NOL4L: variants seen among roughly 807,000 people sequenced by gnomAD.
The protein encoded by NOL4L is nucleolar protein 4-like.
NOL4L carries 7 observed loss-of-function variants against 64.5 expected under a neutral mutation model. The ratio of observed to expected loss-of-function variants is 0.11; its 90% confidence interval spans 0.06 to 0.20. The LOEUF is 0.20. NOL4L is among the 10% of genes least tolerant of loss of function. The pLI, the probability that NOL4L is intolerant of heterozygous loss-of-function variation, is 1.00. For missense variants in NOL4L, 680 were observed against 967.1 expected, an observed-to-expected ratio of 0.70 and a Z score of 3.94; for synonymous variants, 413 against 401.0, an observed-to-expected ratio of 1.03 and a Z score of -0.36.
intron 1 of NOL4L, among the ~76,000 whole-genome samples, chr20:32,581,084 G>A (rs1360163023): frequency 6.6e-6 from 1 of 152,216 alleles, no homozygotes. Flanking sequence ...CCGGCCAGGA[G>A]GCCCCCAGCT....
chr20:32,478,798 C>G lies in NOL4L; in HGVS notation c.700-4056G>C, dbSNP rs2015557654. On this transcript the variant is annotated intron_variant, in intron 4 of 10. Transcript: ENST00000621426. ...TAGAGACAAGGGCTCACTATATCGC[C>G]CAGGCTGGCCTCGAACTCCTGGGCT... is the stretch of plus-strand genomic sequence containing the variant. Among the ~76,000 whole-genome samples, 5 of 152,272 alleles carry G rather than the reference C, an allele frequency of 3.3e-5. No homozygotes were observed. In the South Asian group the frequency reaches 1.0e-3, roughly 32 times the overall value.
chr20:32,474,170 A>G (rs998406131), intron 5 of NOL4L, among the ~76,000 whole-genome samples: 1 of 152,204 alleles, frequency 6.6e-6, no homozygotes, highest in African/African-American at 2.4e-5. Context: ...CTGCCTGGTC[A>G]CTCACCAGGT....
intron 4 of NOL4L, among the ~76,000 whole-genome samples, chr20:32,494,253 G>GGAAAAAA (rs2016583470): frequency 9.1e-5 from 2 of 22,028 alleles, no homozygotes; most frequent in Non-Finnish European, 1.8e-4. Context: ...ATAATCTCGG[G>GGAAAAAA]AAAAAAAAAA....
chr20:32,542,077 CA>C (rs2018665372), intron 1 of NOL4L, among the ~76,000 whole-genome samples: 1 of 152,238 alleles, frequency 6.6e-6, no homozygotes, highest in Non-Finnish European at 1.5e-5. Context: ...GACAGGTGGC[CA>C]TATCTTTGGG....
Position 32,447,194 on chromosome 20 carries a change from C to A in NOL4L, c.*402G>T. 2.1e-6 allele frequency: 1 copy of A among 468,422 alleles called. No homozygotes were observed. The highest frequency in any genetic ancestry group is 4.2e-6 in the Non-Finnish European group (1 of 236,248). 29.0% of individuals were successfully genotyped at this position (468,422 alleles called of 1,614,324 possible). ...ACTAAGGGGAGAGGAAGAAAGGGTCCACTTTGCTTTTCTCAATAAATATGC... is the reference window on the plus strand; with the variant it reads ...ACTAAGGGGAGAGGAAGAAAGGGTCAACTTTGCTTTTCTCAATAAATATGC... On this transcript the variant is annotated 3_prime_UTR_variant, in exon 11 of 11. Transcript: ENST00000621426.
intron 1 of NOL4L, among the ~76,000 whole-genome samples, chr20:32,579,329 T>TAC (rs34536094): frequency 1.3e-4 from 20 of 152,098 alleles, no homozygotes; most frequent in Admixed American, 5.9e-4. Context: ...GTTGCACTTT[T>TAC]ACACACACAC....
At chr20:32,488,342 G>C (rs1419094334) in intron 4 of NOL4L, among the ~76,000 whole-genome samples, 1 of 152,186 alleles carries the variant, frequency 6.6e-6, no homozygotes. Flanking sequence ...AATGCACAGG[G>C]CTGTGGAACC....
At chr20:32,499,163 C>A (rs1295964018) in intron 4 of NOL4L, among the ~76,000 whole-genome samples, 1 of 152,164 alleles carries the variant, frequency 6.6e-6, no homozygotes, top group Non-Finnish European at 1.5e-5. Context: ...AGGCGTGAGC[C>A]ACTGCTCCTG....
At chr20:32,462,434 GTGCCCACAGGAGGGCTCA>G (rs2014155509) in intron 5 of NOL4L, among the ~76,000 whole-genome samples, 2 of 152,138 alleles carry the variant, frequency 1.3e-5, no homozygotes, top group Admixed American at 6.5e-5. Context: ...GGAGGGGGTG[GTGCCCACAGGAGGGCTCA>G]TGCCCACAGA....
intron 4 of NOL4L, chr20:32,510,640 A>C (rs1432488002): frequency 6.5e-6 from 1 of 154,866 alleles, no homozygotes; most frequent in African/African-American, 2.4e-5. Context: ...TTTGGATGCC[A>C]TAAGAGATGA....
chr20:32,578,138 AGGAGGGAGGGAG>A (rs1203991256), intron 1 of NOL4L, among the ~76,000 whole-genome samples: 12 of 50,244 alleles, frequency 2.4e-4, no homozygotes, highest in East Asian at 2.6e-3. Flanking sequence ...GAAGGAAGGA[AGGAGGGAGGGAG>A]GGAGGGAGGG....
chr20:32,468,135 C>T (rs951262582), intron 5 of NOL4L, among the ~76,000 whole-genome samples: 11 of 152,136 alleles, frequency 7.2e-5, no homozygotes, highest in African/African-American at 1.9e-4. Flanking sequence ...GTTGGGGGAT[C>T]GGCTAGCTCA....
intron 1 of NOL4L, among the ~76,000 whole-genome samples, chr20:32,558,161 T>C (rs1978777836): frequency 6.6e-6 from 1 of 152,210 alleles, no homozygotes; most frequent in African/African-American, 2.4e-5. Context: ...CTTCCCGAGT[T>C]TGCACGACCT....
chr20:32,482,225 C>T (rs1387234847), intron 4 of NOL4L, among the ~76,000 whole-genome samples: 2 of 151,434 alleles, frequency 1.3e-5, no homozygotes, highest in Admixed American at 6.6e-5. Context: ...TGAGCCTCTT[C>T]ACACTTTCTT....
chr20:32,448,407 C>T (rs996594263), intron 10 of NOL4L, among the ~76,000 whole-genome samples: 1 of 152,176 alleles, frequency 6.6e-6, no homozygotes, highest in Non-Finnish European at 1.5e-5. Flanking sequence ...GGCTTCTGTC[C>T]AGCTGGAGAG....
At chr20:32,566,722 C>G (rs1979454242) in intron 1 of NOL4L, among the ~76,000 whole-genome samples, 2 of 152,188 alleles carry the variant, frequency 1.3e-5, no homozygotes, top group Non-Finnish European at 2.9e-5. Context: ...CACTGAGGCC[C>G]TCCCTGACAC....
At chr20:32,473,171 C>T (rs1420517597) in intron 5 of NOL4L, among the ~76,000 whole-genome samples, 4 of 152,248 alleles carry the variant, frequency 2.6e-5, no homozygotes, top group African/African-American at 9.6e-5. Context: ...TCCCTTCAGC[C>T]CCACTGCTCT....
chr20:32,483,537 C>T (rs1334523139), intron 4 of NOL4L: 6 of 976,334 alleles, frequency 6.1e-6, no homozygotes, highest in Non-Finnish European at 7.3e-6. Flanking sequence ...CGGGGGTGGC[C>T]AGGAGGAGGG....
intron 4 of NOL4L, 148 bp downstream of exon 4, chr20:32,511,199 C>T (rs755946790): frequency 5.6e-5 from 32 of 575,700 alleles, no homozygotes; most frequent in Middle Eastern, 4.6e-4. Flanking sequence ...CCCGCCTCTC[C>T]GCCTGGACAA....
Sources: gnomAD v4.1 joint callset for allele counts (sites outside exome capture counted in the v4.1 genomes callset) on GRCh38, gnomAD v4.1.1 for gene constraint, MANE v1.5 for transcripts, NCBI Gene and HGNC (gene_info 2026-07-23, HGNC 2026-07-21) for gene names.